DMD: variants seen among roughly 807,000 people sequenced by gnomAD.
The protein encoded by DMD is dystrophin, also known as mutant dystrophin.
DMD carries 63 observed loss-of-function variants against 330.1 expected under a neutral mutation model. The ratio of observed to expected loss-of-function variants is 0.19; its 90% CI spans 0.16 to 0.24. The LOEUF is 0.24. Ranked by LOEUF, DMD falls within the 10% of genes least tolerant of loss-of-function variation. The pLI, the probability that DMD is intolerant of heterozygous loss-of-function variation, is 1.00. For missense variants in DMD, 3,344 were observed against 2,684.1 expected, an observed-to-expected ratio of 1.25 and a Z score of -5.43; for synonymous variants, 1,223 against 959.8, an observed-to-expected ratio of 1.27 and a Z score of -5.07.
intron 13 of DMD, among the ~76,000 whole-genome samples, chrX:32,576,992 G>C (rs138999971): frequency 0.068 from 7,515 of 111,244 alleles, 265 homozygotes; most frequent in Middle Eastern, 0.12. Flanking sequence ...AGATGTTACA[G>C]GCTCAATTGT....
At chrX:31,321,478 G>T (rs1036667617) in intron 62 of DMD, among the ~76,000 whole-genome samples, 2 of 105,647 alleles carry the variant, frequency 1.9e-5, no homozygotes, top group Non-Finnish European at 3.9e-5. Flanking sequence ...TCAGCTACTC[G>T]GGAGCTAAGA....
At chrX:32,312,223 G>GA (rs2097565049) in intron 41 of DMD, among the ~76,000 whole-genome samples, 2 of 110,903 alleles carry the variant, frequency 1.8e-5, no homozygotes, top group African/African-American at 6.5e-5. Flanking sequence ...AAAATATTTA[G>GA]AAAAAAATCT....
intron 22 of DMD, among the ~76,000 whole-genome samples, chrX:32,470,527 G>A (rs986038145): frequency 9.1e-6 from 1 of 110,369 alleles, no homozygotes; most frequent in Non-Finnish European, 1.9e-5. Flanking sequence ...ATCTTTTTCA[G>A]TGGAAATAGT....
intron 7 of DMD, among the ~76,000 whole-genome samples, chrX:32,775,507 G>A (rs1233608041): frequency 8.8e-6 from 1 of 113,253 alleles, no homozygotes; most frequent in African/African-American, 3.2e-5. Flanking sequence ...CTTGCCTTCT[G>A]CACAGCCGTA....
intron 30 of DMD, among the ~76,000 whole-genome samples, chrX:32,395,878 C>G (rs1397194833): frequency 9.0e-6 from 1 of 111,233 alleles, no homozygotes; most frequent in Non-Finnish European, 1.9e-5. Flanking sequence ...GCTACAGAAC[C>G]TTAAGTTTCA....
At chrX:31,648,956 C>A (rs1196766175) in intron 54 of DMD, among the ~76,000 whole-genome samples, 1 of 110,264 alleles carries the variant, frequency 9.1e-6, no homozygotes, top group African/African-American at 3.3e-5. Flanking sequence ...ATAAATCTAC[C>A]TAAATTCTAT....
chrX:33,015,249 C>T lies in DMD; in HGVS notation c.93+4890G>A, dbSNP rs377766076. Among the ~76,000 whole-genome samples the T allele has an allele frequency of 5.4e-5, 6 of 111,580 alleles. No homozygotes were observed. In the East Asian group the frequency reaches 1.4e-3, roughly 26 times the overall value. ...GCAGCACTATTTACAATAGCAAAGACGTGGAATCAACTCAAATGCCCGTCA... is the reference window on the plus strand; with the variant it reads ...GCAGCACTATTTACAATAGCAAAGATGTGGAATCAACTCAAATGCCCGTCA... On this transcript the variant is annotated intron_variant, in intron 2 of 78. Coordinates refer to ENST00000357033, the MANE Select transcript of DMD (RefSeq NM_004006.3).
chrX:32,529,794 A>G (rs1208616415), intron 17 of DMD, among the ~76,000 whole-genome samples: 7 of 111,251 alleles, frequency 6.3e-5, no homozygotes, highest in African/African-American at 2.0e-4. Context: ...AAAAGCCTAT[A>G]AACTCTTCAG....
At chrX:32,529,367 G>A (rs1467705922) in intron 17 of DMD, among the ~76,000 whole-genome samples, 2 of 91,156 alleles carry the variant, frequency 2.2e-5, no homozygotes, top group African/African-American at 4.2e-5. Flanking sequence ...ATTCCACCTT[G>A]GCAAAAATCA....
At chrX:32,025,089 C>T (rs1224091051) in intron 44 of DMD, among the ~76,000 whole-genome samples, 1 of 110,905 alleles carries the variant, frequency 9.0e-6, no homozygotes, top group Non-Finnish European at 1.9e-5. Flanking sequence ...TGAAGCAAGT[C>T]AATATCAAGT....
At chrX:32,338,285 T>A (rs2097724914) in intron 41 of DMD, among the ~76,000 whole-genome samples, 1 of 111,389 alleles carries the variant, frequency 9.0e-6, no homozygotes, top group Admixed American at 9.6e-5. Context: ...TTTTCCACGT[T>A]GGTTGACCTT....
chrX:32,187,115 G>A (rs1457555313), intron 44 of DMD, among the ~76,000 whole-genome samples: 1 of 110,747 alleles, frequency 9.0e-6, no homozygotes, highest in Non-Finnish European at 1.9e-5. Context: ...TTCATAAAAC[G>A]ATGTTACAAA....
intron 54 of DMD, among the ~76,000 whole-genome samples, chrX:31,648,479 G>A (rs2080231081): frequency 9.3e-6 from 1 of 107,447 alleles, no homozygotes; most frequent in Admixed American, 1.0e-4. Flanking sequence ...GAAGTAGGTA[G>A]CAGTAGCCAG....
At chrX:32,653,244 C>A (rs933412267) in intron 9 of DMD, among the ~76,000 whole-genome samples, 1 of 111,795 alleles carries the variant, frequency 8.9e-6, no homozygotes, top group Admixed American at 9.5e-5. Context: ...ATGCCTATGT[C>A]CTGAAAGGTA....
At chrX:33,017,046 T>C (rs1035200038) in intron 2 of DMD, among the ~76,000 whole-genome samples, 4 of 111,813 alleles carry the variant, frequency 3.6e-5, no homozygotes, top group African/African-American at 1.3e-4. Context: ...TATCTCTATA[T>C]AATAGATGTG....
intron 63 of DMD, among the ~76,000 whole-genome samples, chrX:31,232,299 T>C (rs2047294727): frequency 9.0e-6 from 1 of 110,740 alleles, no homozygotes; most frequent in Admixed American, 9.6e-5. Flanking sequence ...ACACAGCAGA[T>C]GGAGCAGACT....
chrX:31,352,922 G>A (rs929121369), intron 60 of DMD, among the ~76,000 whole-genome samples: 11 of 111,635 alleles, frequency 9.9e-5, no homozygotes, highest in African/African-American at 3.6e-4. Flanking sequence ...GAGCCTCCAT[G>A]CATTAGATCT....
intron 62 of DMD, among the ~76,000 whole-genome samples, chrX:31,282,548 TA>T (rs763029600): frequency 0.011 from 1,088 of 102,838 alleles, 15 homozygotes; most frequent in African/African-American, 0.033. Context: ...ATATAAATAG[TA>T]AAAAAAAAAA....
At chrX:32,399,608 G>C (rs984517874) in intron 30 of DMD, among the ~76,000 whole-genome samples, 1 of 111,008 alleles carries the variant, frequency 9.0e-6, no homozygotes, top group African/African-American at 3.3e-5. Context: ...ATGGAGAAAA[G>C]GGAACCCTCA....
Sources: allele counts gnomAD v4.1 joint callset (sites outside exome capture counted in the v4.1 genomes callset), GRCh38; gene constraint gnomAD v4.1.1; transcripts MANE v1.5; gene names NCBI Gene and HGNC (gene_info 2026-07-23, HGNC 2026-07-21).